Variants in P2RX3 observed in about 807,000 individuals in gnomAD.
The protein encoded by P2RX3 is P2X purinoceptor 3.
P2RX3 carries 41 observed loss-of-function variants against 51.5 expected under a neutral mutation model. That is an observed-to-expected ratio of 0.80 (90% CI 0.62 to 1.03). The LOEUF is 1.03. Among genes scored for constraint, P2RX3 ranks in the 50% least tolerant of loss-of-function variants. The pLI is 0.00. For missense variants in P2RX3, 459 were observed against 522.1 expected (o/e 0.88, Z 1.18); for synonymous variants, 185 against 191.6 (o/e 0.97, Z 0.29).
intron 1 of P2RX3, among the ~76,000 whole-genome samples, chr11:57,345,471 G>A (rs929659174): frequency 2.6e-5 from 4 of 152,158 alleles, no homozygotes; most frequent in Non-Finnish European, 4.4e-5. Context: ...TTTTCTAAAC[G>A]TATTTGATGA....
intron 5 of P2RX3, 143 bp downstream of exon 5, chr11:57,348,406 G>A (rs934806862): frequency 1.7e-4 from 139 of 835,156 alleles, no homozygotes; most frequent in Non-Finnish European, 3.9e-5. Context: ...GGTGGCCTCA[G>A]GCCCAGGGTA....
chr11:57,347,619 AC>A, intron 4 of P2RX3, 141 bp downstream of exon 4: 1 of 931,746 alleles, frequency 1.1e-6, no homozygotes, highest in Non-Finnish European at 1.7e-6. Context: ...TGGGTGCCAC[AC>A]CCAGTGGGTG....
intron 8 of P2RX3, among the ~76,000 whole-genome samples, chr11:57,360,807 G>A (rs2013323): frequency 0.37 from 51,541 of 140,286 alleles, 10,644 homozygotes; most frequent in East Asian, 0.64. Flanking sequence ...AAAAAAAAAA[G>A]AAAAAAAGAA....
intron 8 of P2RX3, among the ~76,000 whole-genome samples, chr11:57,360,337 T>C (rs996955649): frequency 6.6e-6 from 1 of 152,098 alleles, no homozygotes; most frequent in Non-Finnish European, 1.5e-5. Context: ...ACCTGCAGAA[T>C]CAGGAGCATT....
At position 57,370,906 on chromosome 11, in the gene P2RX3, A is replaced by C. The variant is rs1357617500; in HGVS notation, c.*909A>C. ...CAGGAGTTCAGCAGTCCTCATTTAC[A>C]ACAACAGTGAAAATGCTCCAGTAAG... On this transcript the variant is annotated 3_prime_UTR_variant, in exon 12 of 12. Transcript: ENST00000263314. Among the ~76,000 whole-genome samples the C allele has an allele frequency of 2.6e-5, 4 of 152,176 alleles. No homozygotes were observed. The highest frequency in any genetic ancestry group is 4.1e-4 in the South Asian group (2 of 4,830).
chr11:57,370,227 A>G lies in P2RX3; in HGVS notation c.*230A>G. 1 of 528,824 alleles carries G rather than the reference A, an allele frequency of 1.9e-6. No individual in the cohort carries two copies. Among genetic ancestry groups the G allele is most frequent in the Non-Finnish European group, 3.4e-6 (1 of 295,680 alleles). 32.8% of individuals were successfully genotyped at this position (528,824 alleles called of 1,614,324 possible). A position where few individuals can be genotyped will look rare whatever the true frequency, so the allele number is the denominator to read the frequency against. ...CCTTGCCTGGCCCCATCTGCTTCCTAGGACCCCTGGGGCAGGAGCACCTGA... is the reference window on the plus strand; with the variant it reads ...CCTTGCCTGGCCCCATCTGCTTCCTGGGACCCCTGGGGCAGGAGCACCTGA... On this transcript the variant is annotated 3_prime_UTR_variant, in exon 12 of 12. Transcript: ENST00000263314.
chr11:57,355,516 T>A (rs150545932), intron 8 of P2RX3, among the ~76,000 whole-genome samples: 4 of 152,150 alleles, frequency 2.6e-5, no homozygotes, highest in African/African-American at 9.6e-5. Context: ...AATTTTTGTA[T>A]TTTTAGTAGA....
chr11:57,350,993 AC>A lies in P2RX3; in HGVS notation c.842+99del, dbSNP rs1856538666. ...GACAAGATCCCACATCCATCCACCC[AC>A]CCCTGGCCCCAAGTCCCACCTCAGG... On this transcript the variant is annotated intron_variant, in intron 8 of 11. Transcript: ENST00000263314. 16 of 1,351,530 alleles carry A rather than the reference AC, an allele frequency of 1.2e-5. No homozygotes were observed. The South Asian group carries it at 1.9e-4, about 16-fold the overall frequency. The allele number at this position is 1,351,530 out of a possible 1,614,324, so 83.7% of individuals were successfully genotyped here. A position where few individuals can be genotyped will look rare whatever the true frequency, so the allele number is the denominator to read the frequency against.
Position 57,348,268 on chromosome 11 carries a change from G to A in P2RX3, c.485+5G>A. Reference sequence around the variant, plus strand: ...GGAGGTGGACACAGTGGAAACGTAAGGCTCCAAGCCAGACAGGAGGAGACA... The same window carrying A: ...GGAGGTGGACACAGTGGAAACGTAAAGCTCCAAGCCAGACAGGAGGAGACA... On this transcript the variant is annotated splice_donor_5th_base_variant and intron_variant, in intron 5 of 11. Coordinates refer to ENST00000263314, the MANE Select transcript of P2RX3 (RefSeq NM_002559.5). 2 of 1,596,538 alleles carry A rather than the reference G, an allele frequency of 1.3e-6. No homozygotes were observed. Among genetic ancestry groups the A allele is most frequent in the South Asian group, 1.1e-5 (1 of 87,776 alleles).
chr11:57,370,026 A>C lies in P2RX3; in HGVS notation c.*29A>C. 1.3e-6 allele frequency: 2 copies of C among 1,508,688 alleles called. No homozygotes were observed. Among genetic ancestry groups the C allele is most frequent in the Non-Finnish European group, 9.2e-7 (1 of 1,087,992 alleles). 93.5% of individuals were successfully genotyped at this position (1,508,688 alleles called of 1,614,324 possible). ...CTCTTTCCAGGGCCCCACACTCACA[A>C]AGGCTCCAGGCCTCCCCACAGAGGA... On this transcript the variant is annotated 3_prime_UTR_variant, in exon 12 of 12. Coordinates refer to ENST00000263314, the MANE Select transcript of P2RX3 (RefSeq NM_002559.5).
At chr11:57,368,794 A>G (rs1467851420) in intron 10 of P2RX3, among the ~76,000 whole-genome samples, 1 of 152,184 alleles carries the variant, frequency 6.6e-6, no homozygotes, top group East Asian at 1.9e-4. Context: ...TGGTGGGCAC[A>G]TAGCCTGCCT....
upstream of P2RX3, among the ~76,000 whole-genome samples, chr11:57,336,226 T>C (rs566418835): frequency 6.6e-6 from 1 of 152,254 alleles, no homozygotes; most frequent in Non-Finnish European, 1.5e-5. Flanking sequence ...AGAGAAGTAT[T>C]TGAACAGTTG....
chr11:57,351,901 T>C (rs1240971815), intron 8 of P2RX3, among the ~76,000 whole-genome samples: 1 of 152,240 alleles, frequency 6.6e-6, no homozygotes, highest in Non-Finnish European at 1.5e-5. Context: ...ATGTGATGTT[T>C]TGATACATGT....
intron 8 of P2RX3, among the ~76,000 whole-genome samples, chr11:57,360,795 C>CAAAAAAAAAAAAAA (rs779582766): frequency 8.8e-6 from 1 of 113,776 alleles, no homozygotes; most frequent in Non-Finnish European, 1.8e-5. Flanking sequence ...GACTCTGTCT[C>CAAAAAAAAAAAAAA]AAAAAAAAAA....
chr11:57,363,365 G>A (rs139612024), intron 8 of P2RX3, among the ~76,000 whole-genome samples: 129 of 152,324 alleles, frequency 8.5e-4, no homozygotes, highest in African/African-American at 3.0e-3. Context: ...TAATGTGAAG[G>A]TTGATTTCTT....
intron 8 of P2RX3, among the ~76,000 whole-genome samples, chr11:57,358,969 G>T (rs1856673714): frequency 6.6e-6 from 1 of 152,176 alleles, no homozygotes; most frequent in East Asian, 1.9e-4. Flanking sequence ...TGTTAGAGGT[G>T]TCCTGTCTGG....
rs1008490790 is a variant in P2RX3, at chr11:57,347,180, G to C, written c.320G>C (p.Cys107Ser). 1.2e-6 allele frequency: 2 copies of C among 1,613,190 alleles called. No homozygotes were observed. Among genetic ancestry groups the C allele is most frequent in the African/African-American group, 2.7e-5 (2 of 74,914 alleles). Residue 107 changes from cysteine to serine, a missense_variant, in exon 3 of 12, where the codon TGC becomes TCC. Cys to Ser is a moderately radical substitution (Grantham distance 112). Transcript: ENST00000263314. ...ACTGAAAATCAGATGCAAGGATTCT[G>C]CCCAGAGGTGAGGGGAGGACAGAGG... is the stretch of plus-strand genomic sequence containing the variant. ...IVTENQMQGFCPESEEKYRCV... is the reference protein window; with the variant it reads ...IVTENQMQGFSPESEEKYRCV...
chr11:57,348,608 C>A lies in P2RX3; in HGVS notation c.486-19C>A. The A allele has an allele frequency of 6.2e-7, 1 of 1,605,618 alleles. No individual in the cohort carries two copies. Among genetic ancestry groups the A allele is most frequent in the Non-Finnish European group, 8.5e-7 (1 of 1,172,494 alleles). ...CCTCTTCTTCCTGGAAAGCTAAGGC[C>A]TCCTGTGCTCACCCACAGGCCCATC... is the stretch of plus-strand genomic sequence containing the variant. On this transcript the variant is annotated intron_variant, in intron 5 of 11. Transcript: ENST00000263314.
chr11:57,337,054 G>A (rs1856236406), upstream of P2RX3, among the ~76,000 whole-genome samples: 1 of 152,146 alleles, frequency 6.6e-6, no homozygotes, highest in African/African-American at 2.4e-5. Flanking sequence ...CACTTGGGGA[G>A]GCCAAGGCAG....
Sources: gnomAD v4.1 joint callset for allele counts (sites outside exome capture counted in the v4.1 genomes callset) on GRCh38, gnomAD v4.1.1 for gene constraint, MANE v1.5 for transcripts, NCBI Gene and HGNC (gene_info 2026-07-23, HGNC 2026-07-21) for gene names.